Variants in AUTS2 observed in about 807,000 individuals in gnomAD.
AUTS2 encodes activator of transcription and developmental regulator AUTS2, also known as autism susceptibility gene 2 protein.
In AUTS2, 17 loss-of-function variants were observed where a neutral mutation model predicts 112.4. That is an observed-to-expected ratio of 0.15 (90% confidence interval 0.10 to 0.23). AUTS2 has a LOEUF of 0.23. Ranked by LOEUF, AUTS2 falls within the 10% of genes least tolerant of loss-of-function variation. The pLI is 1.00. For synonymous variants in AUTS2, 751 were observed against 702.7 expected (o/e 1.07, Z -1.09); for missense variants, 1,510 against 1,701.6 (o/e 0.89, Z 1.98).
chr7:70,157,652 C>T (rs1483313132), intron 4 of AUTS2, among the ~76,000 whole-genome samples: 2 of 152,022 alleles, frequency 1.3e-5, no homozygotes, highest in Non-Finnish European at 2.9e-5. Context: ...TTGTTTAGAT[C>T]CTAAAGTGAC....
At chr7:70,114,339 T>G (rs1805245091) in intron 2 of AUTS2, among the ~76,000 whole-genome samples, 1 of 152,230 alleles carries the variant, frequency 6.6e-6, no homozygotes, top group Non-Finnish European at 1.5e-5. Context: ...TGCAAGCAGA[T>G]CAATTTTTCT....
chr7:69,932,136 G>A (rs1796249990), intron 2 of AUTS2, among the ~76,000 whole-genome samples: 1 of 152,158 alleles, frequency 6.6e-6, no homozygotes, highest in African/African-American at 2.4e-5. Flanking sequence ...ATTTCTGTGT[G>A]TGCTTATATT....
At chr7:69,862,468 A>G (rs1006650883) in intron 1 of AUTS2, among the ~76,000 whole-genome samples, 1 of 152,214 alleles carries the variant, frequency 6.6e-6, no homozygotes, top group Admixed American at 6.5e-5. Context: ...TCAGAGTTGT[A>G]AAATCGCCCA....
At chr7:70,336,332 G>A (rs1310923142) in intron 4 of AUTS2, among the ~76,000 whole-genome samples, 2 of 152,080 alleles carry the variant, frequency 1.3e-5, no homozygotes, top group Admixed American at 1.3e-4. Context: ...ACCATTGCTA[G>A]CATTTCTCTC....
chr7:70,276,304 G>A (rs1787926394), intron 4 of AUTS2, among the ~76,000 whole-genome samples: 1 of 150,992 alleles, frequency 6.6e-6, no homozygotes, highest in Admixed American at 6.6e-5. Flanking sequence ...TTTCTTATTT[G>A]CACAAATGCG....
chr7:69,612,658 G>C (rs917884228), intron 1 of AUTS2, among the ~76,000 whole-genome samples: 1 of 151,958 alleles, frequency 6.6e-6, no homozygotes, highest in Non-Finnish European at 1.5e-5. Flanking sequence ...GTCTTCCTAT[G>C]TTGCTTAGGC....
chr7:70,102,915 T>A (rs542303266), intron 2 of AUTS2, among the ~76,000 whole-genome samples: 1 of 152,190 alleles, frequency 6.6e-6, no homozygotes, highest in African/African-American at 2.4e-5. Context: ...TAGAATTTAT[T>A]CTTATATTAA....
At chr7:70,343,877 C>A (rs1791381329) in intron 4 of AUTS2, among the ~76,000 whole-genome samples, 1 of 152,062 alleles carries the variant, frequency 6.6e-6, no homozygotes, top group South Asian at 2.1e-4. Flanking sequence ...TGGTGTGTAA[C>A]TGTGAGTGCT....
intron 5 of AUTS2, among the ~76,000 whole-genome samples, chr7:70,573,355 G>T (rs1301905877): frequency 6.6e-6 from 1 of 152,134 alleles, no homozygotes; most frequent in African/African-American, 2.4e-5. Context: ...CTCTATTTAG[G>T]CCCACTCAAG....
At chr7:70,611,856 G>A (rs141594833) in intron 5 of AUTS2, among the ~76,000 whole-genome samples, 41 of 152,260 alleles carry the variant, frequency 2.7e-4, no homozygotes, top group Non-Finnish European at 5.0e-4. Flanking sequence ...TAATTAGTCC[G>A]TCACGTGGGC....
chr7:69,668,705 C>G (rs1796181847), intron 1 of AUTS2, among the ~76,000 whole-genome samples: 1 of 152,198 alleles, frequency 6.6e-6, no homozygotes, highest in African/African-American at 2.4e-5. Context: ...TAGCCCTATG[C>G]TGCCCATCTT....
intron 1 of AUTS2, among the ~76,000 whole-genome samples, chr7:69,618,353 T>A (rs1793488218): frequency 6.6e-6 from 1 of 152,202 alleles, no homozygotes; most frequent in African/African-American, 2.4e-5. Context: ...TCACAGCCAG[T>A]CTGGCTCAGT....
chr7:70,761,644 A>G (rs1163322267), intron 6 of AUTS2, among the ~76,000 whole-genome samples: 1 of 152,142 alleles, frequency 6.6e-6, no homozygotes, highest in East Asian at 1.9e-4. Context: ...TTCTGTTTTG[A>G]GATTTTTATG....
chr7:70,374,619 A>G (rs1469982585), intron 4 of AUTS2, among the ~76,000 whole-genome samples: 1 of 152,346 alleles, frequency 6.6e-6, no homozygotes, highest in Admixed American at 6.5e-5. Flanking sequence ...AGAAGTGATT[A>G]TATTGGGGTC....
At chr7:69,989,932 T>A (rs1290548721) in intron 2 of AUTS2, among the ~76,000 whole-genome samples, 1 of 152,052 alleles carries the variant, frequency 6.6e-6, no homozygotes, top group Non-Finnish European at 1.5e-5. Flanking sequence ...TCCATGAGAA[T>A]CTAATGCCTG....
At chr7:70,076,687 C>T (rs1292341229) in intron 2 of AUTS2, among the ~76,000 whole-genome samples, 1 of 152,164 alleles carries the variant, frequency 6.6e-6, no homozygotes, top group African/African-American at 2.4e-5. Flanking sequence ...AGATCACTTA[C>T]ACTTTGGGTG....
intron 1 of AUTS2, among the ~76,000 whole-genome samples, chr7:69,793,107 C>T (rs1041729441): frequency 1.2e-4 from 18 of 152,136 alleles, no homozygotes; most frequent in African/African-American, 4.1e-4. Flanking sequence ...CTTTTTGCTG[C>T]TTTACCCACT....
intron 1 of AUTS2, among the ~76,000 whole-genome samples, chr7:69,636,982 G>T (rs958546534): frequency 1.3e-5 from 2 of 151,994 alleles, no homozygotes; most frequent in African/African-American, 4.8e-5. Context: ...AGCCAGGATG[G>T]TCTCGATCTC....
chr7:70,534,313 G>A (rs1800218582), intron 5 of AUTS2, among the ~76,000 whole-genome samples: 2 of 152,232 alleles, frequency 1.3e-5, no homozygotes, highest in African/African-American at 2.4e-5. Context: ...CTTTGGGAAA[G>A]ACCAATGAGA....
Sources: gnomAD v4.1 joint callset for allele counts (sites outside exome capture counted in the v4.1 genomes callset) on GRCh38, gnomAD v4.1.1 for gene constraint, MANE v1.5 for transcripts, NCBI Gene and HGNC (gene_info 2026-07-23, HGNC 2026-07-21) for gene names.